MGAT1: variants seen among roughly 807,000 people sequenced by gnomAD.
The protein encoded by MGAT1 is N-glycosyl-oligosaccharide-glycoprotein N-acetylglucosaminyltransferase I.
Under a neutral mutation model 31.7 loss-of-function variants are expected in MGAT1, and 14 were observed. The ratio of observed to expected loss-of-function variants is 0.44; its 90% CI spans 0.29 to 0.69. MGAT1 has a LOEUF of 0.69. Among genes scored for constraint, MGAT1 ranks in the 30% least tolerant of loss-of-function variants. The pLI, the probability that MGAT1 is intolerant of heterozygous loss-of-function variation, is 0.12. For missense variants in MGAT1, 557 were observed against 626.0 expected, an observed-to-expected ratio of 0.89 and a Z score of 1.18; for synonymous variants, 338 against 276.0, an observed-to-expected ratio of 1.22 and a Z score of -2.23.
chr5:180,788,236 C>G lies in MGAT1; in HGVS notation c.*3398G>C, dbSNP rs1048671084. ...GCCTTGATGGGTGAATACCAGGAGA[C>G]CCCTGAAGGTGCTCCTTGCTTCAGG... is the stretch of plus-strand genomic sequence containing the variant. On this transcript the variant is annotated 3_prime_UTR_variant, in exon 2 of 2. Transcript: ENST00000307826. The G allele has an allele frequency of 1.3e-5, 2 of 152,362 alleles. No homozygotes were observed. The highest frequency in any genetic ancestry group is 4.8e-5 in the African/African-American group (2 of 41,456). 9.4% of individuals were successfully genotyped at this position (152,362 alleles called of 1,614,324 possible).
upstream of MGAT1, among the ~76,000 whole-genome samples, chr5:180,805,402 T>C (rs1392373286): frequency 6.6e-6 from 1 of 152,184 alleles, no homozygotes; most frequent in South Asian, 2.1e-4. Flanking sequence ...TTTTTACAAT[T>C]TGGAAAGAAT....
At position 180,792,672 on chromosome 5, in the gene MGAT1, G is replaced by C. The variant is rs781063023; in HGVS notation, c.300C>G (p.Thr100=). 6 of 1,576,048 alleles carry C rather than the reference G, an allele frequency of 3.8e-6. No individual in the cohort carries two copies. Among genetic ancestry groups the C allele is most frequent in the Middle Eastern group, 1.7e-4 (1 of 5,862 alleles). ...APPAQPRVPV[T]PAPAVIPILV... ...GGATGGGAATCACCGCCGGCGCGGG[G>C]GTCACAGGCACACGCGGCTGGGCGG... is the stretch of plus-strand genomic sequence containing the variant. The change falls in exon 2 of 2, where the codon ACC becomes ACG. Residue 100 remains threonine (T), a synonymous_variant. Transcript: ENST00000307826.
chr5:180,785,825 T>G lies in MGAT1; in HGVS notation c.*5809A>C, dbSNP rs547388370. The G allele has an allele frequency of 5.2e-5, 8 of 152,438 alleles. No individual in the cohort carries two copies. In the East Asian group the frequency reaches 1.3e-3, roughly 26 times the overall value. 9.4% of individuals were successfully genotyped at this position (152,438 alleles called of 1,614,324 possible). ...TTTCCAAAGGAGGCTTTTGGCAGGC[T>G]TGCCTCATTGCCCTTGCAGGGAAGG... On this transcript the variant is annotated 3_prime_UTR_variant, in exon 2 of 2. Coordinates refer to ENST00000307826, the MANE Select transcript of MGAT1 (RefSeq NM_002406.4).
chr5:180,796,945 A>T (rs1769527462), intron 1 of MGAT1, among the ~76,000 whole-genome samples: 1 of 152,088 alleles, frequency 6.6e-6, no homozygotes, highest in Non-Finnish European at 1.5e-5. Context: ...TCCCCTCAGG[A>T]TGTTGTCCAT....
Position 180,791,853 on chromosome 5 carries a change from C to A in MGAT1, c.1119G>T (p.Val373=), listed in dbSNP as rs1363399127. The A allele has an allele frequency of 5.0e-6, 8 of 1,614,224 alleles. No homozygotes were observed. The highest frequency in any genetic ancestry group is 6.8e-6 in the Non-Finnish European group (8 of 1,180,048). The part of the protein sequence containing the change: ...YGAPQLQVEK[V]RTNDRKELGE... Reference sequence around the variant, plus strand: ...CCAGCTCCTTCCGGTCATTGGTCCTCACTTTCTCCACCTGCAGCTGGGGAG... The same window carrying A: ...CCAGCTCCTTCCGGTCATTGGTCCTAACTTTCTCCACCTGCAGCTGGGGAG... Residue 373 remains valine, a synonymous_variant, in exon 2 of 2, where the codon GTG becomes GTT. Coordinates refer to ENST00000307826, the MANE Select transcript of MGAT1 (RefSeq NM_002406.4).
At chr5:180,806,755 C>G (rs62407790), upstream of MGAT1, among the ~76,000 whole-genome samples, 35,952 of 152,216 alleles carry the variant, frequency 0.24, 4,547 homozygotes, top group South Asian at 0.37. Flanking sequence ...AACAGATTGA[C>G]TGGATCACGT....
intron 1 of MGAT1, among the ~76,000 whole-genome samples, chr5:180,812,797 A>G (rs934716966): frequency 1.3e-5 from 2 of 152,234 alleles, no homozygotes; most frequent in African/African-American, 4.8e-5. Context: ...AGAATTTACT[A>G]ATGCCCTTCT....
chr5:180,792,389 G>A lies in MGAT1; in HGVS notation c.583C>T (p.Gln195Ter). Residue 195 changes from glutamine (Q) to a stop codon, truncating the protein, a stop_gained, in exon 2 of 2, where the codon CAG (glutamine) becomes TAG (stop). Transcript: ENST00000307826. LOFTEE classifies it high-confidence loss of function. ...GGGAAGCGAAACTGCCGGAAGACCT[G>A]GCCCAGCGCCCAGCGGTAGTGGCGC... ...IARHYRWALG[Q>*]VFRQFRFPAA... The A allele has an allele frequency of 6.2e-7, 1 of 1,610,722 alleles. No homozygotes were observed. The highest frequency in any genetic ancestry group is 8.5e-7 in the Non-Finnish European group (1 of 1,177,960).
upstream of MGAT1, among the ~76,000 whole-genome samples, chr5:180,804,721 A>G (rs1191898452): frequency 6.6e-6 from 1 of 152,258 alleles, no homozygotes; most frequent in East Asian, 1.9e-4. Flanking sequence ...GATCCAAGAC[A>G]TGAGGAGCCA....
chr5:180,811,651 T>TCTCCCTGCC (rs3029526), intron 1 of MGAT1, among the ~76,000 whole-genome samples: 14,723 of 151,504 alleles, frequency 0.097, 1,445 homozygotes, highest in African/African-American at 0.25. Context: ...AACACCTAGG[T>TCTCCCTGCC]CTCCCTGCCC....
intron 1 of MGAT1, among the ~76,000 whole-genome samples, chr5:180,800,243 TCTCCA>T (rs998103303): frequency 2.2e-4 from 33 of 152,338 alleles, no homozygotes; most frequent in African/African-American, 7.2e-4. Flanking sequence ...TGAGGCCCTG[TCTCCA>T]CTCATGTCTC....
At chr5:180,794,069 C>A (rs1486915923) in intron 1 of MGAT1, among the ~76,000 whole-genome samples, 1 of 151,812 alleles carries the variant, frequency 6.6e-6, no homozygotes, top group Non-Finnish European at 1.5e-5. Context: ...GGGACTCAGC[C>A]CTACCAGATA....
At chr5:180,813,979 C>G (rs1772715261) in intron 1 of MGAT1, among the ~76,000 whole-genome samples, 1 of 152,174 alleles carries the variant, frequency 6.6e-6, no homozygotes, top group African/African-American at 2.4e-5. Flanking sequence ...GGCAGCTGTT[C>G]CAGTCAATAC....
rs1437232003 is a variant in MGAT1, at chr5:180,792,759, C to A, written c.213G>T (p.Leu71=). ...AEVELERQRG[L]LQQIGDALSS... ...ACAGGGCATCCCCGATCTGCTGCAG[C>A]AGCCCACGCTGCCGCTCCAGCTCCA... The change falls in exon 2 of 2, where the codon CTG becomes CTT. Residue 71 remains leucine, a synonymous_variant. Transcript: ENST00000307826. The A allele has an allele frequency of 6.5e-7, 1 of 1,547,612 alleles. No individual in the cohort carries two copies. Among genetic ancestry groups the A allele is most frequent in the Non-Finnish European group, 8.7e-7 (1 of 1,146,596 alleles).
At chr5:180,794,616 C>T (rs1397108991) in intron 1 of MGAT1, among the ~76,000 whole-genome samples, 3 of 152,138 alleles carry the variant, frequency 2.0e-5, no homozygotes, top group Non-Finnish European at 4.4e-5. Flanking sequence ...ATAATAATTA[C>T]GTAGCTATGC....
At chr5:180,804,962 C>T (rs933459044), upstream of MGAT1, among the ~76,000 whole-genome samples, 2 of 152,134 alleles carry the variant, frequency 1.3e-5, no homozygotes, top group Non-Finnish European at 2.9e-5. Context: ...AAGAGACCAT[C>T]CCAAAAAGAA....
intron 1 of MGAT1, among the ~76,000 whole-genome samples, chr5:180,800,028 G>T (rs1770389829): frequency 6.6e-6 from 1 of 152,218 alleles, no homozygotes; most frequent in South Asian, 2.1e-4. Flanking sequence ...CCAGCTGACT[G>T]CAATGGCGTG....
chr5:180,793,386 G>A (rs1768657753), intron 1 of MGAT1, among the ~76,000 whole-genome samples: 1 of 152,134 alleles, frequency 6.6e-6, no homozygotes, highest in Non-Finnish European at 1.5e-5. Context: ...GGAGGGGAGG[G>A]GCAAGGAGTG....
Position 180,793,050 on chromosome 5 carries a change from C to G in MGAT1, c.-79G>C, listed in dbSNP as rs1768585904. On this transcript the variant is annotated 5_prime_UTR_variant, in exon 2 of 2. Transcript: ENST00000307826. ...CTTGCCCGGCTCCCTTGCCCGCAGT[C>G]CTAGGGATGCCTCCTCTGGACTATG... 2 of 1,522,918 alleles carry G rather than the reference C, an allele frequency of 1.3e-6. No homozygotes were observed. Among genetic ancestry groups the G allele is most frequent in the Admixed American group, 3.8e-5 (2 of 53,204 alleles). The allele number at this position is 1,522,918 out of a possible 1,614,324, so 94.3% of individuals were successfully genotyped here. A position where few individuals can be genotyped will look rare whatever the true frequency, so the allele number is the denominator to read the frequency against.
Sources: allele counts gnomAD v4.1 joint callset (sites outside exome capture counted in the v4.1 genomes callset), GRCh38; gene constraint gnomAD v4.1.1; transcripts MANE v1.5; gene names NCBI Gene and HGNC (gene_info 2026-07-23, HGNC 2026-07-21).